The following WDR59 variants were observed in gnomAD, a reference collection of about 807,000 sequenced individuals.
WDR59 encodes WD repeat domain 59.
Under a neutral mutation model 131.2 loss-of-function variants are expected in WDR59, and 100 were observed. That is an observed-to-expected ratio of 0.76 (90% confidence interval 0.65 to 0.90). The LOEUF (loss-of-function observed/expected upper bound fraction) is 0.90. WDR59 is among the 40% of genes least tolerant of loss of function. The pLI is 0.00. For synonymous variants in WDR59, 601 were observed against 466.2 expected (o/e 1.29, Z -3.72); for missense variants, 1,203 against 1,262.2 (o/e 0.95, Z 0.71).
At chr16:74,908,073 T>C (rs1965905723) in intron 17 of WDR59, among the ~76,000 whole-genome samples, 1 of 152,194 alleles carries the variant, frequency 6.6e-6, no homozygotes, top group Admixed American at 6.5e-5. Context: ...TTGTTAAACA[T>C]GATTCTCTCT....
chr16:74,958,820 TG>T (rs2033430035), intron 2 of WDR59, among the ~76,000 whole-genome samples: 1 of 139,128 alleles, frequency 7.2e-6, no homozygotes, highest in South Asian at 2.7e-4. Context: ...CCCAGCACTG[TG>T]GGAGGCCGAG....
At chr16:74,943,493 G>C (rs980308046) in intron 6 of WDR59, among the ~76,000 whole-genome samples, 2 of 152,152 alleles carry the variant, frequency 1.3e-5, no homozygotes, top group Non-Finnish European at 2.9e-5. Flanking sequence ...TGATACATTA[G>C]TGACAAAAGG....
chr16:74,958,794 G>T (rs566478892), intron 2 of WDR59, among the ~76,000 whole-genome samples: 2 of 151,434 alleles, frequency 1.3e-5, no homozygotes, highest in African/African-American at 2.4e-5. Context: ...CGGGCACAGT[G>T]GCCCACGCCT....
At chr16:74,878,687 A>G (rs920543019) in intron 25 of WDR59, among the ~76,000 whole-genome samples, 1 of 152,146 alleles carries the variant, frequency 6.6e-6, no homozygotes, top group African/African-American at 2.4e-5. Context: ...TAAAAAGAAA[A>G]TATAGTACTC....
At chr16:74,882,931 C>T (rs914189412) in intron 25 of WDR59, among the ~76,000 whole-genome samples, 1 of 150,782 alleles carries the variant, frequency 6.6e-6, no homozygotes, top group East Asian at 1.9e-4. Flanking sequence ...TTACAAAACC[C>T]AGCATTCCCT....
rs542766511 is a variant in WDR59, at chr16:74,915,183, G to A, written c.1224+687C>T. Among the ~76,000 whole-genome samples the A allele has an allele frequency of 1.7e-3, 257 of 152,248 alleles. 6 individuals carry two copies. The South Asian group carries it at 0.05, about 30-fold the overall frequency. On this transcript the variant is annotated intron_variant, in intron 13 of 25. Transcript: ENST00000262144. ...CAGCACAGCACAGAGTGCCCTGGAC[G>A]GGCTGGAGGTTTGGCTTCCCAAGTC...
intron 3 of WDR59, among the ~76,000 whole-genome samples, chr16:74,954,084 A>G (rs2033158579): frequency 6.6e-6 from 1 of 152,044 alleles, no homozygotes; most frequent in Non-Finnish European, 1.5e-5. Flanking sequence ...AAGATACTCA[A>G]CATCCTTAGT....
chr16:74,914,578 C>G (rs1310981520), intron 13 of WDR59, among the ~76,000 whole-genome samples: 4 of 145,074 alleles, frequency 2.8e-5, no homozygotes, highest in African/African-American at 1.0e-4. Flanking sequence ...GAGGCTAAAA[C>G]CACTTACAGC....
At chr16:74,934,882 T>A (rs1331974959) in intron 8 of WDR59, among the ~76,000 whole-genome samples, 1 of 152,040 alleles carries the variant, frequency 6.6e-6, no homozygotes, top group Admixed American at 6.6e-5. Context: ...CAGGTTTCCT[T>A]GAGGGTTGAT....
chr16:74,906,626 T>A (rs368215864), intron 17 of WDR59, among the ~76,000 whole-genome samples: 20 of 152,306 alleles, frequency 1.3e-4, no homozygotes, highest in African/African-American at 4.8e-4. Context: ...CAACTATCTA[T>A]CCACAGGACA....
chr16:74,942,443 T>G (rs1207973949), intron 7 of WDR59, among the ~76,000 whole-genome samples: 1 of 152,170 alleles, frequency 6.6e-6, no homozygotes, highest in East Asian at 1.9e-4. Flanking sequence ...GTCTTTATTT[T>G]GAAGGAAACT....
chr16:74,876,420 G>C (rs1331148778), intron 25 of WDR59, among the ~76,000 whole-genome samples: 1 of 152,148 alleles, frequency 6.6e-6, no homozygotes, highest in African/African-American at 2.4e-5. Flanking sequence ...AATATTGTGT[G>C]TTCAGGTAAA....
intron 1 of WDR59, among the ~76,000 whole-genome samples, chr16:74,973,485 C>G (rs2034068576): frequency 6.6e-6 from 1 of 152,090 alleles, no homozygotes; most frequent in Admixed American, 6.6e-5. Flanking sequence ...TGGGGTCTCA[C>G]TCTGTTGCCC....
At chr16:74,961,613 G>A (rs771297676) in intron 2 of WDR59, among the ~76,000 whole-genome samples, 6 of 152,050 alleles carry the variant, frequency 3.9e-5, no homozygotes, top group African/African-American at 1.4e-4. Flanking sequence ...GTCTGTTCAC[G>A]TCCTTTGCCC....
chr16:74,941,202 G>T lies in WDR59; in HGVS notation c.534+1536C>A, dbSNP rs1032950570. On this transcript the variant is annotated intron_variant, in intron 7 of 25. Transcript: ENST00000262144. ...AAAAATTTTTTTTAATTGGCTGGGT[G>T]TGGTGGCATGTACCTGTAGTCCCAG... 2.6e-5 allele frequency among the ~76,000 whole-genome samples: 4 copies of T among 151,836 alleles called. No individual in the cohort carries two copies. In the East Asian group the frequency reaches 5.9e-4, roughly 22 times the overall value.
intron 1 of WDR59, among the ~76,000 whole-genome samples, chr16:74,969,230 C>T (rs1221617310): frequency 1.3e-5 from 2 of 152,144 alleles, no homozygotes; most frequent in Non-Finnish European, 2.9e-5. Flanking sequence ...CACTTACAGA[C>T]TAAAATTTAA....
Position 74,938,251 on chromosome 16 carries a change from C to T in WDR59, c.550G>A (p.Val184Met). ...IWDKRKPSTA[V>M]EYLAAHLSKI... ...GAGAGGTGGGCGGCTAGATATTCCACTGCTGTACTGGGTTTCTGCAACAGA... is the reference window on the plus strand; with the variant it reads ...GAGAGGTGGGCGGCTAGATATTCCATTGCTGTACTGGGTTTCTGCAACAGA... Residue 184 changes from valine to methionine, a missense_variant, in exon 8 of 26, where the codon GTG becomes ATG. Transcript: ENST00000262144. The T allele has an allele frequency of 6.4e-7, 1 of 1,551,798 alleles. No homozygotes were observed. Among genetic ancestry groups the T allele is most frequent in the Non-Finnish European group, 8.7e-7 (1 of 1,149,524 alleles).
chr16:74,959,343 T>C, intron 2 of WDR59: 1 of 281,790 alleles, frequency 3.5e-6, no homozygotes, highest in Non-Finnish European at 7.1e-6. Flanking sequence ...CAGGGCCTGG[T>C]TCCCACCTGA....
At chr16:74,935,378 T>C (rs915662877) in intron 8 of WDR59, among the ~76,000 whole-genome samples, 2 of 152,168 alleles carry the variant, frequency 1.3e-5, no homozygotes, top group African/African-American at 2.4e-5. Flanking sequence ...CATTTAATTG[T>C]AGTTAATGTT....
Sources: gnomAD v4.1 joint callset for allele counts (sites outside exome capture counted in the v4.1 genomes callset) on GRCh38, gnomAD v4.1.1 for gene constraint, MANE v1.5 for transcripts, NCBI Gene and HGNC (gene_info 2026-07-23, HGNC 2026-07-21) for gene names.